CWF19L2: variants seen among roughly 807,000 people sequenced by gnomAD.
CWF19L2 encodes CWF19 like cell cycle control factor 2.
Under a neutral mutation model 111.7 loss-of-function variants are expected in CWF19L2, and 98 were observed. The ratio of observed to expected loss-of-function variants is 0.88; its 90% CI spans 0.75 to 1.04. The LOEUF (loss-of-function observed/expected upper bound fraction) is 1.04, where lower values mean the gene tolerates loss of function less well. Among genes scored for constraint, CWF19L2 ranks in the 50% least tolerant of loss-of-function variants. The probability of loss-of-function intolerance (pLI) is 0.00; values close to 1 mark genes in which losing one functional copy is unlikely to be tolerated. For missense variants in CWF19L2, 1,101 were observed against 1,051.4 expected (o/e 1.05, Z -0.65); for synonymous variants, 351 against 342.9 (o/e 1.02, Z -0.26).
chr11:107,335,333 T>C (rs760016401), intron 15 of CWF19L2, among the ~76,000 whole-genome samples: 5 of 152,198 alleles, frequency 3.3e-5, no homozygotes, highest in African/African-American at 7.2e-5. Flanking sequence ...ACTGCTCTTC[T>C]TCCAAAAGGC....
chr11:107,364,531 G>A lies in CWF19L2; in HGVS notation c.1873-10795C>T, dbSNP rs974088490. On this transcript the variant is annotated intron_variant, in intron 12 of 17. Coordinates refer to ENST00000282251, the MANE Select transcript of CWF19L2 (RefSeq NM_152434.3). ...AGGATTAAGAATCTCACTCAAAACC[G>A]CTCAACTACATGGAAACTGAACAAC... Among the ~76,000 whole-genome samples, 127 of 143,640 alleles carry A rather than the reference G, an allele frequency of 8.8e-4. 2 individuals carry two copies. Among genetic ancestry groups the A allele is most frequent in the East Asian group, 6.6e-3 (32 of 4,834 alleles). The allele number at this position is 143,640 out of a possible 152,430, so 94.2% of individuals were successfully genotyped here. A position where few individuals can be genotyped will look rare whatever the true frequency, so the allele number is the denominator to read the frequency against.
intron 10 of CWF19L2, among the ~76,000 whole-genome samples, chr11:107,405,947 C>T (rs1202288639): frequency 6.6e-6 from 1 of 151,428 alleles, no homozygotes; most frequent in East Asian, 1.9e-4. Context: ...TATCTATTTA[C>T]TGGATCAAGA....
At chr11:107,329,118 T>C (rs903555194) in intron 17 of CWF19L2, among the ~76,000 whole-genome samples, 6 of 152,086 alleles carry the variant, frequency 3.9e-5, no homozygotes, top group Non-Finnish European at 5.9e-5. Flanking sequence ...CCTGGCTACA[T>C]AGGGATAAAT....
At chr11:107,335,127 A>G (rs1859903806) in intron 15 of CWF19L2, among the ~76,000 whole-genome samples, 166 bp from the exon 16 acceptor site, 1 of 152,194 alleles carries the variant, frequency 6.6e-6, no homozygotes, top group Admixed American at 6.5e-5. Flanking sequence ...GAACTTCTTA[A>G]ATTTTTGAAA....
intron 12 of CWF19L2, among the ~76,000 whole-genome samples, chr11:107,379,959 G>A (rs983081760): frequency 2.0e-5 from 3 of 147,032 alleles, no homozygotes; most frequent in African/African-American, 7.5e-5. Context: ...TATTCGGGAG[G>A]CTGAGGCAGG....
Position 107,407,202 on chromosome 11 carries a change from C to T in CWF19L2, c.1617+9007G>A, listed in dbSNP as rs190538224. ...ACTATGAAATTGAAAACTGTATTTT[C>T]AGTTTTTATAAAGCACATTAAATTT... On this transcript the variant is annotated intron_variant, in intron 10 of 17. Transcript: ENST00000282251. Among the ~76,000 whole-genome samples the T allele has an allele frequency of 1.9e-3, 295 of 152,102 alleles. 1 individual carries two copies. Among genetic ancestry groups the T allele is most frequent in the Non-Finnish European group, 3.5e-3 (238 of 67,956 alleles).
At chr11:107,349,559 T>G (rs1450208175) in intron 13 of CWF19L2, among the ~76,000 whole-genome samples, 1 of 152,036 alleles carries the variant, frequency 6.6e-6, no homozygotes, top group Non-Finnish European at 1.5e-5. Context: ...GCTTTACCAC[T>G]GTGTATTTAC....
At chr11:107,383,799 A>G (rs964389666) in intron 12 of CWF19L2, among the ~76,000 whole-genome samples, 22 of 152,230 alleles carry the variant, frequency 1.4e-4, no homozygotes, top group African/African-American at 5.3e-4. Context: ...CAACAGCAAA[A>G]GGCAATAGGG....
chr11:107,389,361 T>A (rs558083575), intron 12 of CWF19L2, among the ~76,000 whole-genome samples: 12 of 152,352 alleles, frequency 7.9e-5, no homozygotes, highest in African/African-American at 2.9e-4. Flanking sequence ...TTAGATAATA[T>A]GTAAATGCAT....
chr11:107,365,177 A>C (rs1435258190), intron 12 of CWF19L2, among the ~76,000 whole-genome samples: 2 of 149,158 alleles, frequency 1.3e-5, no homozygotes, highest in Non-Finnish European at 3.0e-5. Flanking sequence ...TTGTGGCAAC[A>C]ATCAATAGCT....
chr11:107,439,370 T>G (rs571594193), intron 5 of CWF19L2, among the ~76,000 whole-genome samples, 187 bp from the exon 6 acceptor site: 36 of 152,356 alleles, frequency 2.4e-4, no homozygotes, highest in African/African-American at 8.7e-4. Flanking sequence ...ATGTTCTTAT[T>G]TAATGCCTAC....
At position 107,393,679 on chromosome 11, in the gene CWF19L2, T is replaced by C. The variant is rs1165020252; in HGVS notation, c.1618-784A>G. On this transcript the variant is annotated intron_variant, in intron 10 of 17. Transcript: ENST00000282251. ...GATTGAAAAGAGAAAATGTGGTGTATACATGCCATGGAATACTACACAATC... is the reference window on the plus strand; with the variant it reads ...GATTGAAAAGAGAAAATGTGGTGTACACATGCCATGGAATACTACACAATC... Among the ~76,000 whole-genome samples, 3 of 152,184 alleles carry C rather than the reference T, an allele frequency of 2.0e-5. No homozygotes were observed. The East Asian group carries it at 5.8e-4, about 29-fold the overall frequency.
intron 14 of CWF19L2, among the ~76,000 whole-genome samples, chr11:107,344,978 G>A (rs1173387068): frequency 6.6e-6 from 1 of 152,128 alleles, no homozygotes; most frequent in African/African-American, 2.4e-5. Flanking sequence ...GTAGCAGGTG[G>A]GAGTGCTAGG....
intron 14 of CWF19L2, among the ~76,000 whole-genome samples, chr11:107,344,756 A>G (rs1009714907): frequency 1.3e-5 from 2 of 152,292 alleles, no homozygotes; most frequent in East Asian, 3.9e-4. Flanking sequence ...GATTGTCTTT[A>G]TAAGTTATTT....
rs554965386 is a variant in CWF19L2, at chr11:107,337,132, T to G, written c.2203-419A>C. ...AAATACATGAGAATTCACTTCCAAT[T>G]GTTTTCCTATGCTCATAGCATCTGC... On this transcript the variant is annotated intron_variant, in intron 14 of 17. Coordinates refer to ENST00000282251, the MANE Select transcript of CWF19L2 (RefSeq NM_152434.3). 4.6e-5 allele frequency among the ~76,000 whole-genome samples: 7 copies of G among 152,356 alleles called. No individual in the cohort carries two copies. The East Asian group carries it at 1.4e-3, about 29-fold the overall frequency.
intron 14 of CWF19L2, among the ~76,000 whole-genome samples, chr11:107,345,212 T>G (rs191888999): frequency 6.7e-6 from 1 of 149,728 alleles, no homozygotes; most frequent in South Asian, 2.1e-4. Flanking sequence ...TTATAAACTT[T>G]TATTTATTAA....
At chr11:107,329,353 C>A (rs75307503) in intron 17 of CWF19L2, among the ~76,000 whole-genome samples, 1,895 of 152,174 alleles carry the variant, frequency 0.012, 24 homozygotes, top group South Asian at 0.039. Flanking sequence ...AAACTATCAG[C>A]GTAAAATGAG....
At chr11:107,416,026 G>T (rs1861221103) in intron 10 of CWF19L2, among the ~76,000 whole-genome samples, 183 bp downstream of exon 10, 1 of 152,086 alleles carries the variant, frequency 6.6e-6, no homozygotes, top group Non-Finnish European at 1.5e-5. Context: ...GAACGTGGGA[G>T]GCAGAGGTTG....
chr11:107,387,052 C>CA lies in CWF19L2; in HGVS notation c.1872+3021dup, dbSNP rs57294810. Among the ~76,000 whole-genome samples the CA allele has an allele frequency of 1.9e-3, 229 of 122,342 alleles. 1 individual carries two copies. Among genetic ancestry groups the CA allele is most frequent in the Middle Eastern group, 8.8e-3 (2 of 228 alleles). 80.3% of individuals were successfully genotyped at this position (122,342 alleles called of 152,430 possible). ...CTGGTGACAGAGCGAGACCCCGTCT[C>CA]AAAAAAAAAAAAAGGCTAATGCATC... On this transcript the variant is annotated intron_variant, in intron 12 of 17. Transcript: ENST00000282251.
Sources: allele counts gnomAD v4.1 joint callset (sites outside exome capture counted in the v4.1 genomes callset), GRCh38; gene constraint gnomAD v4.1.1; transcripts MANE v1.5; gene names NCBI Gene and HGNC (gene_info 2026-07-23, HGNC 2026-07-21).